Variants in SUGCT observed in about 807,000 individuals in gnomAD.
The protein encoded by SUGCT is succinyl-CoA:glutarate CoA-transferase.
Under a neutral mutation model 55.0 loss-of-function variants are expected in SUGCT, and 41 were observed. The observed-to-expected ratio is 0.74, with a 90% CI of 0.58 to 0.97. SUGCT has a LOEUF of 0.97. Ranked by LOEUF, SUGCT falls within the 50% of genes least tolerant of loss-of-function variation. The pLI, the probability that SUGCT is intolerant of heterozygous loss-of-function variation, is 0.00. For missense variants in SUGCT, 568 were observed against 547.8 expected, an observed-to-expected ratio of 1.04 and a Z score of -0.37; for synonymous variants, 187 against 200.4, an observed-to-expected ratio of 0.93 and a Z score of 0.56.
intron 12 of SUGCT, among the ~76,000 whole-genome samples, chr7:40,603,912 C>T (rs989090420): frequency 1.3e-5 from 2 of 152,168 alleles, no homozygotes; most frequent in African/African-American, 4.8e-5. Flanking sequence ...AGTGGCTTCT[C>T]GTGAGTTTAA....
intron 9 of SUGCT, among the ~76,000 whole-genome samples, chr7:40,382,763 T>A (rs1208406747): frequency 6.6e-6 from 1 of 152,182 alleles, no homozygotes; most frequent in Non-Finnish European, 1.5e-5. Flanking sequence ...ATTGAATATA[T>A]ACAATGAAAT....
At chr7:40,239,440 A>T (rs1052609968) in intron 7 of SUGCT, among the ~76,000 whole-genome samples, 1 of 152,076 alleles carries the variant, frequency 6.6e-6, no homozygotes, top group Admixed American at 6.6e-5. Flanking sequence ...GAGCATGGAC[A>T]TTTCTCTCAT....
At chr7:40,539,174 G>T (rs1366471618) in intron 12 of SUGCT, 2 of 152,036 alleles carry the variant, frequency 1.3e-5, no homozygotes, top group Non-Finnish European at 2.9e-5. Context: ...CAGATGAAGA[G>T]AGACTGACTA....
the SUGCT span, among the ~76,000 whole-genome samples, chr7:40,887,995 C>T: frequency 1.1e-5 from 1 of 93,764 alleles, no homozygotes; most frequent in African/African-American, 4.2e-5. Context: ...CTACATGCAG[C>T]ATCTTTATTT....
intron 9 of SUGCT, among the ~76,000 whole-genome samples, chr7:40,332,295 A>C (rs1033372177): frequency 2.0e-5 from 3 of 152,202 alleles, no homozygotes; most frequent in African/African-American, 7.2e-5. Flanking sequence ...CCACTGATGA[A>C]GAATGATGGA....
chr7:40,809,856 T>C (rs1267929652), intron 13 of SUGCT, among the ~76,000 whole-genome samples: 1 of 152,176 alleles, frequency 6.6e-6, no homozygotes, highest in African/African-American at 2.4e-5. Context: ...CTCCCACTTA[T>C]TTATATGTGA....
At chr7:40,686,170 CT>C (rs939660344) in intron 12 of SUGCT, among the ~76,000 whole-genome samples, 1 of 151,928 alleles carries the variant, frequency 6.6e-6, no homozygotes, top group African/African-American at 2.4e-5. Flanking sequence ...CATTGTTTCC[CT>C]TTTTTTGCTT....
At chr7:40,781,584 G>A (rs1789753646) in intron 13 of SUGCT, among the ~76,000 whole-genome samples, 1 of 152,154 alleles carries the variant, frequency 6.6e-6, no homozygotes, top group South Asian at 2.1e-4. Context: ...AGACTTGCTA[G>A]TAGGTTGTGT....
intron 11 of SUGCT, among the ~76,000 whole-genome samples, chr7:40,463,919 G>A (rs1004144788): frequency 2.0e-5 from 3 of 152,054 alleles, no homozygotes; most frequent in African/African-American, 4.8e-5. Context: ...CTAATCCAGC[G>A]CCAGATAAAA....
chr7:40,373,347 T>TGG (rs1784388956), intron 9 of SUGCT, among the ~76,000 whole-genome samples: 10 of 152,106 alleles, frequency 6.6e-5, no homozygotes, highest in African/African-American at 1.9e-4. Context: ...TTAGAATCTA[T>TGG]AGATTCTAGA....
chr7:40,409,631 A>G (rs1029263512), intron 9 of SUGCT, among the ~76,000 whole-genome samples: 1 of 150,768 alleles, frequency 6.6e-6, no homozygotes, highest in African/African-American at 2.4e-5. Context: ...TTAGACATCT[A>G]TTTTCATAAA....
At chr7:40,896,689 TG>T in the SUGCT span, among the ~76,000 whole-genome samples, 2 of 152,214 alleles carry the variant, frequency 1.3e-5, no homozygotes, top group Non-Finnish European at 2.9e-5. Context: ...CCCAGCCCCA[TG>T]GAACTGTGAG....
intron 5 of SUGCT, among the ~76,000 whole-genome samples, chr7:40,192,688 A>G (rs908207562): frequency 2.0e-5 from 3 of 147,912 alleles, no homozygotes; most frequent in African/African-American, 7.5e-5. Flanking sequence ...CTAGGGTACA[A>G]TGGTGCGATC....
At chr7:40,455,964 C>T (rs762592417) in intron 10 of SUGCT, among the ~76,000 whole-genome samples, 21 of 152,154 alleles carry the variant, frequency 1.4e-4, no homozygotes, top group Non-Finnish European at 2.8e-4. Flanking sequence ...TTTCTCCTGA[C>T]AAACAGCTCT....
At chr7:40,765,466 G>GAA (rs202039053) in intron 13 of SUGCT, among the ~76,000 whole-genome samples, 101 of 137,314 alleles carry the variant, frequency 7.4e-4, no homozygotes, top group Non-Finnish European at 9.4e-4. Context: ...TGCCATTAAA[G>GAA]AAAAAAAAAA....
the SUGCT span, among the ~76,000 whole-genome samples, chr7:40,941,155 T>G: frequency 6.6e-6 from 1 of 152,070 alleles, no homozygotes; most frequent in Non-Finnish European, 1.5e-5. Context: ...TTTAATTTTA[T>G]GTGGTGAATT....
At chr7:40,489,148 C>A (rs1231263632) in intron 11 of SUGCT, among the ~76,000 whole-genome samples, 1 of 150,104 alleles carries the variant, frequency 6.7e-6, no homozygotes, top group East Asian at 2.0e-4. Flanking sequence ...ATTTTTTTTT[C>A]TTTTTCTCCA....
intron 7 of SUGCT, 142 bp from the exon 8 acceptor site, chr7:40,274,366 ATTTAT>A (rs1792319517): frequency 3.9e-6 from 3 of 767,904 alleles, no homozygotes; most frequent in Admixed American, 3.2e-5. Flanking sequence ...CACAATAGCA[ATTTAT>A]TTTATTAACT....
chr7:41,019,821 C>T, the SUGCT span, among the ~76,000 whole-genome samples: 1 of 152,092 alleles, frequency 6.6e-6, no homozygotes, highest in South Asian at 2.1e-4. Flanking sequence ...CTTGGGCTTT[C>T]ATGACAGGAA....
Sources: gnomAD v4.1 joint callset for allele counts (sites outside exome capture counted in the v4.1 genomes callset) on GRCh38, gnomAD v4.1.1 for gene constraint, MANE v1.5 for transcripts, NCBI Gene and HGNC (gene_info 2026-07-23, HGNC 2026-07-21) for gene names.